Variants in HECW2 observed in about 807,000 individuals in gnomAD.
The protein encoded by HECW2 is HECT, C2 and WW domain containing E3 ubiquitin protein ligase 2, also known as E3 ubiquitin-protein ligase HECW2.
In HECW2, 61 loss-of-function variants were observed where a neutral mutation model predicts 175.2. The ratio of observed to expected loss-of-function variants is 0.35; its 90% CI spans 0.28 to 0.43. The LOEUF is 0.43. Among genes scored for constraint, HECW2 ranks in the 20% least tolerant of loss-of-function variants. HECW2 has a pLI of 1.00. For missense variants in HECW2, 1,524 were observed against 2,000.5 expected, an observed-to-expected ratio of 0.76 and a Z score of 4.54; for synonymous variants, 671 against 731.0, an observed-to-expected ratio of 0.92 and a Z score of 1.32.
intron 1 of HECW2, among the ~76,000 whole-genome samples, chr2:196,576,344 A>G (rs1690561506): frequency 6.6e-6 from 1 of 152,212 alleles, no homozygotes; most frequent in African/African-American, 2.4e-5. Flanking sequence ...TAAGTGATGC[A>G]TGACTGTACA....
At chr2:196,511,801 G>A (rs1206692899) in intron 1 of HECW2, among the ~76,000 whole-genome samples, 1 of 152,148 alleles carries the variant, frequency 6.6e-6, no homozygotes, top group Non-Finnish European at 1.5e-5. Flanking sequence ...GAGGTTTCTA[G>A]AGAGACCAGA....
chr2:196,202,922 G>A (rs903948604), intron 28 of HECW2, among the ~76,000 whole-genome samples: 2 of 152,074 alleles, frequency 1.3e-5, no homozygotes, highest in African/African-American at 2.4e-5. Flanking sequence ...ATTCATTTAC[G>A]TTTCACATGC....
rs1199366296 is a variant in HECW2 at position 196,318,631 on chromosome 2, T to G, written c.2259A>C (p.Pro753=). The change falls in exon 9 of 29, where the codon CCA becomes CCC. Residue 753 remains proline (P), a synonymous_variant. Transcript: ENST00000644978. Reference sequence around the variant, plus strand: ...CCCCAGCACTGCCTTCTTCTTGCGGTGGGCTCTCGGCAGCAGCTGCAGCTC... The same window carrying G: ...CCCCAGCACTGCCTTCTTCTTGCGGGGGGCTCTCGGCAGCAGCTGCAGCTC... ...LEGAAAAAES[P]PQEEGSAGEA... 6.3e-7 allele frequency: 1 copy of G among 1,592,796 alleles called. No homozygotes were observed. Among genetic ancestry groups the G allele is most frequent in the East Asian group, 2.2e-5 (1 of 44,604 alleles).
At chr2:196,549,600 T>A (rs1689543031) in intron 1 of HECW2, among the ~76,000 whole-genome samples, 2 of 152,094 alleles carry the variant, frequency 1.3e-5, no homozygotes, top group South Asian at 4.1e-4. Context: ...TGCTCTTTTT[T>A]TTTTTTTTAA....
In HECW2 at chr2:196,322,535, C is replaced by T. The variant is rs1273453024; in HGVS notation, c.827G>A (p.Arg276His). 2 of 1,613,896 alleles carry T rather than the reference C, an allele frequency of 1.2e-6. No individual in the cohort carries two copies. The highest frequency in any genetic ancestry group is 1.3e-5 in the African/African-American group (1 of 74,890). ...TGGAATGGTTAGTTTCCCCAGAAAA[C>T]GCTTGATGATGGGACGGCTCTTGGC... Reference protein sequence around the residue: ...KFAKSRPIIKRFLGKLTIPVQ... With the variant: ...KFAKSRPIIKHFLGKLTIPVQ... The change falls in exon 7 of 29, where the codon CGT (arginine) becomes CAT (histidine). Residue 276 changes from arginine to histidine, a missense_variant. Physicochemically the swap from Arg to His is conservative, Grantham distance 29. Coordinates refer to ENST00000644978, the MANE Select transcript of HECW2 (RefSeq NM_001348768.2).
chr2:196,377,893 A>G (rs1432803916), intron 2 of HECW2, among the ~76,000 whole-genome samples: 3 of 152,218 alleles, frequency 2.0e-5, no homozygotes, highest in South Asian at 4.1e-4. Context: ...AAAATACAAA[A>G]GAGAAAAAAA....
chr2:196,275,544 CA>C (rs1559002927), intron 15 of HECW2, among the ~76,000 whole-genome samples: 1 of 152,048 alleles, frequency 6.6e-6, no homozygotes. Context: ...ACAAGGTCAA[CA>C]GATCGAGACC....
At chr2:196,212,354 C>T (rs1687321100) in intron 28 of HECW2, among the ~76,000 whole-genome samples, 1 of 152,084 alleles carries the variant, frequency 6.6e-6, no homozygotes. Flanking sequence ...TCCTCTGACC[C>T]TCCACCCTCC....
chr2:196,237,099 C>T (rs1315631783), intron 21 of HECW2, among the ~76,000 whole-genome samples: 1 of 152,180 alleles, frequency 6.6e-6, no homozygotes, highest in African/African-American at 2.4e-5. Flanking sequence ...CTACCCCAGA[C>T]CTACAGCAGT....
chr2:196,349,520 C>CAT (rs138307021), intron 2 of HECW2, among the ~76,000 whole-genome samples: 4 of 150,826 alleles, frequency 2.7e-5, no homozygotes, highest in African/African-American at 7.3e-5. Context: ...AAAAGTGAAA[C>CAT]GTGTGTGTGT....
At chr2:196,466,958 CCG>C (rs1696977533) in intron 1 of HECW2, among the ~76,000 whole-genome samples, 1 of 152,182 alleles carries the variant, frequency 6.6e-6, no homozygotes, top group Non-Finnish European at 1.5e-5. Flanking sequence ...ATAACTCCAA[CCG>C]TCTTAGTTTT....
At position 196,329,628 on chromosome 2, in the gene HECW2, C is replaced by T. The variant is rs1389991622; in HGVS notation, c.518G>A (p.Gly173Glu). Residue 173 changes from glycine to glutamate, a missense_variant, in exon 5 of 29, where the codon GGA becomes GAA. Physicochemically the swap from Gly to Glu is moderately conservative, Grantham distance 98 (BLOSUM62 -2). Coordinates refer to ENST00000644978, the MANE Select transcript of HECW2 (RefSeq NM_001348768.2). ...AGAATGCAGGTTTCCTGAAGCACCT[C>T]CCTCCATGCCTTCTGCCCCCATCTG... ...AVMMGAEGME[G>E]GASGNLHSRK... The T allele has an allele frequency of 6.2e-7, 1 of 1,613,654 alleles. No individual in the cohort carries two copies.
intron 1 of HECW2, among the ~76,000 whole-genome samples, chr2:196,486,085 T>G (rs182002570): frequency 4.7e-4 from 72 of 152,258 alleles, no homozygotes; most frequent in African/African-American, 1.7e-3. Flanking sequence ...GCAATTTTTG[T>G]GGGTTTTGTA....
chr2:196,448,855 A>G (rs10207515), intron 1 of HECW2, among the ~76,000 whole-genome samples: 35,186 of 151,916 alleles, frequency 0.23, 5,218 homozygotes, highest in African/African-American at 0.42. Flanking sequence ...GCTGCTAGGA[A>G]CCCTTCCAGA....
At chr2:196,389,037 A>C (rs571334079) in intron 2 of HECW2, among the ~76,000 whole-genome samples, 1 of 152,344 alleles carries the variant, frequency 6.6e-6, no homozygotes, top group East Asian at 1.9e-4. Context: ...TAGTTCCTAG[A>C]ATCTGAAGCA....
At chr2:196,389,967 C>A (rs1049941334) in intron 2 of HECW2, among the ~76,000 whole-genome samples, 5 of 152,104 alleles carry the variant, frequency 3.3e-5, no homozygotes, top group Admixed American at 6.6e-5. Flanking sequence ...CCAGCCAAAA[C>A]CCTTTCTGAT....
At chr2:196,554,262 C>A (rs2125489044) in intron 1 of HECW2, among the ~76,000 whole-genome samples, 1 of 151,918 alleles carries the variant, frequency 6.6e-6, no homozygotes, top group East Asian at 1.9e-4. Context: ...GAAGGCGGAG[C>A]TTGCAGTGAG....
rs185009998 is a variant in HECW2 at position 196,450,641 on chromosome 2, C to T, written c.-35-17183G>A. Among the ~76,000 whole-genome samples, 430 of 152,174 alleles carry T rather than the reference C, an allele frequency of 2.8e-3. 2 individuals carry two copies. The highest frequency in any genetic ancestry group is 9.8e-3 in the African/African-American group (406 of 41,528). On this transcript the variant is annotated intron_variant, in intron 1 of 28. Transcript: ENST00000644978. ...GGATTACAGGCATGTGCCACCACGC[C>T]TGGGTAATTTTTTGCATTTAGTAGA...
chr2:196,468,726 GTTT>G (rs1697063587), intron 1 of HECW2, among the ~76,000 whole-genome samples: 1 of 152,152 alleles, frequency 6.6e-6, no homozygotes, highest in Admixed American at 6.5e-5. Flanking sequence ...TCTGAGGTGT[GTTT>G]TCAAAATAAC....
Sources: gnomAD v4.1 joint callset for allele counts (sites outside exome capture counted in the v4.1 genomes callset) on GRCh38, gnomAD v4.1.1 for gene constraint, MANE v1.5 for transcripts, NCBI Gene and HGNC (gene_info 2026-07-23, HGNC 2026-07-21) for gene names.